LPCAT1: variants seen among roughly 807,000 people sequenced by gnomAD.
LPCAT1 encodes the protein 1-acylglycerol-3-phosphate O-acyltransferase.
Under a neutral mutation model 60.9 loss-of-function variants are expected in LPCAT1, and 23 were observed. The ratio of observed to expected loss-of-function variants is 0.38; its 90% CI spans 0.27 to 0.53. The LOEUF (loss-of-function observed/expected upper bound fraction) is 0.53. Ranked by LOEUF, LPCAT1 falls within the 20% of genes least tolerant of loss-of-function variation. The pLI is 0.82. For synonymous variants in LPCAT1, 340 were observed against 301.1 expected (o/e 1.13, Z -1.34); for missense variants, 622 against 723.6 (o/e 0.86, Z 1.61).
chr5:1,510,855 T>A (rs1214711730), intron 1 of LPCAT1: 1 of 152,488 alleles, frequency 6.6e-6, no homozygotes, highest in East Asian at 1.9e-4. Flanking sequence ...GCATGTGGTG[T>A]CTCTGGAGCA....
intron 1 of LPCAT1, among the ~76,000 whole-genome samples, chr5:1,503,899 C>A (rs886430661): frequency 1.1e-4 from 17 of 152,200 alleles, no homozygotes; most frequent in Admixed American, 2.0e-4. Flanking sequence ...CAAGCCTGCT[C>A]TCTGGTTTCA....
intron 1 of LPCAT1, among the ~76,000 whole-genome samples, chr5:1,511,783 C>A (rs751111448): frequency 5.3e-5 from 8 of 152,204 alleles, no homozygotes; most frequent in Non-Finnish European, 1.0e-4. Context: ...CGAGCCCCTC[C>A]AGGAGGGAGG....
intron 13 of LPCAT1, among the ~76,000 whole-genome samples, chr5:1,465,287 C>T (rs545573532): frequency 2.2e-5 from 3 of 138,696 alleles, no homozygotes; most frequent in Admixed American, 7.3e-5. Flanking sequence ...CACACACGCA[C>T]GGTACTAAAC....
intron 11 of LPCAT1, among the ~76,000 whole-genome samples, chr5:1,473,174 G>A (rs995422122): frequency 1.3e-5 from 2 of 152,170 alleles, no homozygotes; most frequent in Non-Finnish European, 2.9e-5. Flanking sequence ...CAGCTGCTCC[G>A]TGTTGGTGCA....
chr5:1,481,269 C>A lies in LPCAT1; in HGVS notation c.727-293G>T, dbSNP rs1037525441. Among the ~76,000 whole-genome samples the A allele has an allele frequency of 2.6e-5, 4 of 152,288 alleles. No individual in the cohort carries two copies. Among genetic ancestry groups the A allele is most frequent in the African/African-American group, 7.2e-5 (3 of 41,548 alleles). Reference sequence around the variant, plus strand: ...AGAGTCCCTGAGGACTCAGAGCCCCCTCTTATAGGTTCCCAGAGCCCCTAG... The same window carrying A: ...AGAGTCCCTGAGGACTCAGAGCCCCATCTTATAGGTTCCCAGAGCCCCTAG... On this transcript the variant is annotated intron_variant, in intron 6 of 13. Transcript: ENST00000283415. This position sits in a 1 kb window ranked among gnomAD's most constrained non-coding sequence, Gnocchi z 7.8.
At chr5:1,494,600 A>C in intron 3 of LPCAT1, 100 bp downstream of exon 3, 1 of 1,129,870 alleles carries the variant, frequency 8.9e-7, no homozygotes, top group Non-Finnish European at 1.3e-6. Flanking sequence ...GGGGACCCTC[A>C]CTCCCAGCAG....
chr5:1,506,985 G>A (rs1015930635), intron 1 of LPCAT1, among the ~76,000 whole-genome samples: 34 of 152,200 alleles, frequency 2.2e-4, no homozygotes, highest in African/African-American at 5.8e-4. Context: ...GGCAGCATGC[G>A]GAACCAAGAC....
intron 1 of LPCAT1, among the ~76,000 whole-genome samples, chr5:1,508,238 T>C (rs1412716776): frequency 1.3e-5 from 2 of 152,134 alleles, no homozygotes; most frequent in African/African-American, 4.8e-5. Flanking sequence ...ACACCGTCAT[T>C]CTCCGGGCTG....
intron 4 of LPCAT1, 143 bp from the exon 5 acceptor site, chr5:1,488,594 T>C (rs1333547363): frequency 8.5e-6 from 5 of 585,792 alleles, no homozygotes; most frequent in Non-Finnish European, 1.5e-5. Flanking sequence ...CGTAAATTAT[T>C]AAAATGCATT....
At chr5:1,475,842 G>A (rs1215139552) in intron 9 of LPCAT1, among the ~76,000 whole-genome samples, 2 of 98,682 alleles carry the variant, frequency 2.0e-5, no homozygotes, top group African/African-American at 7.1e-5. Flanking sequence ...CCAGGAGTCC[G>A]AGGCTGCTTC....
chr5:1,467,536 GGCGCCTGCCGCCC>G (rs982981971), intron 12 of LPCAT1, among the ~76,000 whole-genome samples: 1 of 152,146 alleles, frequency 6.6e-6, no homozygotes, highest in African/African-American at 2.4e-5. Context: ...CCAGTGCCGA[GGCGCCTGCCGCCC>G]GCTCCCCACA....
Position 1,481,617 on chromosome 5 carries a change from T to A in LPCAT1, c.727-641A>T, listed in dbSNP as rs1396404667. Among the ~76,000 whole-genome samples the A allele has an allele frequency of 6.6e-6, 1 of 152,270 alleles. No individual in the cohort carries two copies. Among genetic ancestry groups the A allele is most frequent in the African/African-American group, 2.4e-5 (1 of 41,480 alleles). On this transcript the variant is annotated intron_variant, in intron 6 of 13. Transcript: ENST00000283415. This position sits in a 1 kb window ranked among gnomAD's most constrained non-coding sequence, Gnocchi z 7.8. The stretch of plus-strand genomic sequence containing the variant: ...TAGTGCTTCTTGGTGCATCCAGTAA[T>A]AGTGTGTTGCTTTAAACACACTGAT...
chr5:1,474,209 G>C, intron 10 of LPCAT1, 99 bp from the exon 11 acceptor site: 1 of 1,298,368 alleles, frequency 7.7e-7, no homozygotes. Context: ...AAAATTGACA[G>C]AAGTAGCAGC....
intron 1 of LPCAT1, among the ~76,000 whole-genome samples, chr5:1,509,277 TC>T (rs1736282101): frequency 6.6e-6 from 1 of 152,214 alleles, no homozygotes; most frequent in Non-Finnish European, 1.5e-5. Context: ...ACAGGAATGC[TC>T]CCTCCTGAAG....
intron 13 of LPCAT1, among the ~76,000 whole-genome samples, chr5:1,464,679 TA>T (rs1734258689): frequency 8.9e-6 from 1 of 112,966 alleles, no homozygotes; most frequent in Admixed American, 1.0e-4. Flanking sequence ...ACACACACGG[TA>T]AACAAACACA....
rs1369063306 is a variant in LPCAT1, at chr5:1,496,373, C to T, written c.279-1459G>A. ...GAGACTCCATCTCAAGAAAACTAAA[C>T]TAAAAAATAAAGATGTACTCTTCTG... On this transcript the variant is annotated intron_variant, in intron 2 of 13. Transcript: ENST00000283415. The surrounding 1 kb of genome is among the most constrained non-coding windows in gnomAD (Gnocchi z 4.7). 3.4e-5 allele frequency among the ~76,000 whole-genome samples: 5 copies of T among 148,578 alleles called. No homozygotes were observed. The highest frequency in any genetic ancestry group is 1.3e-4 in the African/African-American group (5 of 39,942).
rs897756255 is a variant in LPCAT1, at chr5:1,476,044, A to G, written c.900-1359T>C. ...GGTTTTAAGAGAATTCTGAATTACT[A>G]CAATGGAAATGGCAGCACTCTCGTA... On this transcript the variant is annotated intron_variant, in intron 9 of 13. Coordinates refer to ENST00000283415, the MANE Select transcript of LPCAT1 (RefSeq NM_024830.5). This position sits in a 1 kb window ranked among gnomAD's most constrained non-coding sequence, Gnocchi z 8.6. Among the ~76,000 whole-genome samples, 3 of 152,228 alleles carry G rather than the reference A, an allele frequency of 2.0e-5. No individual in the cohort carries two copies. Among genetic ancestry groups the G allele is most frequent in the Non-Finnish European group, 2.9e-5 (2 of 68,044 alleles).
At chr5:1,468,575 G>A (rs1003326009) in intron 12 of LPCAT1, among the ~76,000 whole-genome samples, 7 of 151,866 alleles carry the variant, frequency 4.6e-5, no homozygotes, top group African/African-American at 1.7e-4. Flanking sequence ...AAACGCAGAG[G>A]TAGGACTGAG....
chr5:1,469,418 T>A (rs897498100), intron 12 of LPCAT1, among the ~76,000 whole-genome samples: 1 of 152,220 alleles, frequency 6.6e-6, no homozygotes, highest in African/African-American at 2.4e-5. Flanking sequence ...ACAAGGCAAC[T>A]GCCACCCCCA....
Sources: gnomAD v4.1 joint callset for allele counts (sites outside exome capture counted in the v4.1 genomes callset) on GRCh38, gnomAD v4.1.1 for gene constraint, Gnocchi (gnomAD v3.1) non-coding constraint, MANE v1.5 for transcripts, NCBI Gene and HGNC (gene_info 2026-07-23, HGNC 2026-07-21) for gene names.